Variants in SLC8A2 observed in about 807,000 individuals in gnomAD.
SLC8A2 encodes the protein solute carrier family 8 member A2, also known as sodium/calcium exchanger 2.
In SLC8A2, 14 loss-of-function variants were observed where a neutral mutation model predicts 70.2. That is an observed-to-expected ratio of 0.20 (90% CI 0.13 to 0.31). SLC8A2 has a LOEUF of 0.31. Ranked by LOEUF, SLC8A2 falls within the 10% of genes least tolerant of loss-of-function variation. The pLI, the probability that SLC8A2 is intolerant of heterozygous loss-of-function variation, is 1.00. For missense variants in SLC8A2, 779 were observed against 1,320.1 expected (o/e 0.59, Z 6.35); for synonymous variants, 575 against 594.3 (o/e 0.97, Z 0.47).
chr19:47,445,844 G>A (rs988099373), intron 4 of SLC8A2, among the ~76,000 whole-genome samples: 1 of 152,204 alleles, frequency 6.6e-6, no homozygotes, highest in African/African-American at 2.4e-5. Flanking sequence ...CCATCTCTTG[G>A]TGTGAGAGAG....
chr19:47,463,145 T>G (rs143973154), intron 2 of SLC8A2, among the ~76,000 whole-genome samples: 2 of 152,088 alleles, frequency 1.3e-5, no homozygotes, highest in Admixed American at 1.3e-4. Context: ...TTTCTTTTTT[T>G]TTTTTGAGAC....
intron 1 of SLC8A2, among the ~76,000 whole-genome samples, chr19:47,467,565 G>C (rs1967479382): frequency 6.6e-6 from 1 of 152,116 alleles, no homozygotes; most frequent in Non-Finnish European, 1.5e-5. Flanking sequence ...CTTAGGGGCT[G>C]TGACATCTAA....
At chr19:47,452,429 AGAGAGAGAGAGAGAGAGT>A (rs1455497512) in intron 3 of SLC8A2, among the ~76,000 whole-genome samples, 439 of 111,224 alleles carry the variant, frequency 3.9e-3, no homozygotes, top group South Asian at 5.9e-3. Flanking sequence ...AGAGAGAGAG[AGAGAGAGAGAGAGAGAGT>A]GTGTGTGTGT....
intron 2 of SLC8A2, among the ~76,000 whole-genome samples, chr19:47,462,328 A>G (rs1001576468): frequency 1.3e-5 from 2 of 151,966 alleles, no homozygotes; most frequent in African/African-American, 4.8e-5. Context: ...GCAGTGGTGC[A>G]ATCTCGGCTT....
intron 6 of SLC8A2, 69 bp downstream of exon 6, chr19:47,441,100 T>G: frequency 6.8e-7 from 1 of 1,476,460 alleles, no homozygotes; most frequent in African/African-American, 1.4e-5. Flanking sequence ...GCTTTGGGGC[T>G]GGGACCCTCC....
At chr19:47,450,789 T>C (rs1967224866) in intron 3 of SLC8A2, among the ~76,000 whole-genome samples, 1 of 152,020 alleles carries the variant, frequency 6.6e-6, no homozygotes, top group Admixed American at 6.6e-5. Flanking sequence ...CTCTGAGCCT[T>C]GGTTTCCTTA....
rs1966915793 is a variant in SLC8A2 at position 47,429,169 on chromosome 19, GC to G, written c.*919del. The G allele has an allele frequency of 1.3e-5, 2 of 152,536 alleles. No homozygotes were observed. The highest frequency in any genetic ancestry group is 2.9e-5 in the Non-Finnish European group (2 of 68,068). 9.4% of individuals were successfully genotyped at this position (152,536 alleles called of 1,614,324 possible). On this transcript the variant is annotated 3_prime_UTR_variant, in exon 10 of 10. Coordinates refer to ENST00000236877, the MANE Select transcript of SLC8A2 (RefSeq NM_015063.3). ...TTGTCAGGGGAGATCAACTGGACTCGCTTTGATTCCCGGCCTCCTCCCCAAA... is the reference window on the plus strand; with the variant it reads ...TTGTCAGGGGAGATCAACTGGACTCGTTTGATTCCCGGCCTCCTCCCCAAA...
Position 47,430,275 on chromosome 19 carries a change from C to A in SLC8A2, c.2580G>T (p.Thr860=), listed in dbSNP as rs1356010889. ...VRTGTLAFSV[T]LFTVFAFVGI... ...CCACGAAGGCGAAGACGGTGAAGAG[C>A]GTGACGGAGAAGGCCAGCGTGCCAG... Residue 860 remains threonine, a synonymous_variant, in exon 10 of 10, where the codon ACG becomes ACT. Coordinates refer to ENST00000236877, the MANE Select transcript of SLC8A2 (RefSeq NM_015063.3). The surrounding 1 kb of genome is among the most constrained non-coding windows in gnomAD (Gnocchi z 5.9). 1 of 1,612,484 alleles carries A rather than the reference C, an allele frequency of 6.2e-7. No homozygotes were observed. The highest frequency in any genetic ancestry group is 1.1e-5 in the South Asian group (1 of 90,966).
chr19:47,437,735 G>T (rs1032034122), intron 7 of SLC8A2, 114 bp downstream of exon 7: 1 of 1,331,396 alleles, frequency 7.5e-7, no homozygotes, highest in Non-Finnish European at 1.1e-6. Flanking sequence ...TGGTCCTGAC[G>T]TGGGACCCTT....
chr19:47,432,054 A>C lies in SLC8A2; in HGVS notation c.2389+113T>G. ...TGCCCCACCTCCGTATTTCTCTGAG[A>C]CCCACCACATGGGCGCTGTGTGACT... On this transcript the variant is annotated intron_variant, in intron 9 of 9. Coordinates refer to ENST00000236877, the MANE Select transcript of SLC8A2 (RefSeq NM_015063.3). The surrounding 1 kb of genome is among the most constrained non-coding windows in gnomAD (Gnocchi z 6.2). The C allele has an allele frequency of 9.9e-7, 1 of 1,010,564 alleles. No homozygotes were observed. Among genetic ancestry groups the C allele is most frequent in the Non-Finnish European group, 1.4e-6 (1 of 700,480 alleles). 62.6% of individuals were successfully genotyped at this position (1,010,564 alleles called of 1,614,324 possible). A position where few individuals can be genotyped will look rare whatever the true frequency, so the allele number is the denominator to read the frequency against.
At chr19:47,452,380 T>TAC (rs1491215350) in intron 3 of SLC8A2, among the ~76,000 whole-genome samples, 8 of 137,848 alleles carry the variant, frequency 5.8e-5, no homozygotes, top group African/African-American at 8.3e-5. Context: ...ATGCCCAGCT[T>TAC]ATATATATAT....
In SLC8A2 at chr19:47,430,522, G is replaced by T; in HGVS notation, c.2390-57C>A. ...CTTTGCGCCGCCACCCACAGGGGCGGGCATCCGCCTGCCCCCTCCCAGCCT... is the reference window on the plus strand; with the variant it reads ...CTTTGCGCCGCCACCCACAGGGGCGTGCATCCGCCTGCCCCCTCCCAGCCT... On this transcript the variant is annotated intron_variant, in intron 9 of 9. Transcript: ENST00000236877. The surrounding 1 kb of genome is among the most constrained non-coding windows in gnomAD (Gnocchi z 5.9). The T allele has an allele frequency of 6.7e-7, 1 of 1,492,346 alleles. No homozygotes were observed. Among genetic ancestry groups the T allele is most frequent in the Non-Finnish European group, 8.9e-7 (1 of 1,123,074 alleles). 92.4% of individuals were successfully genotyped at this position (1,492,346 alleles called of 1,614,324 possible).
At chr19:47,471,136 A>AGG (rs1183976674) in intron 1 of SLC8A2, among the ~76,000 whole-genome samples, 1 of 145,286 alleles carries the variant, frequency 6.9e-6, no homozygotes, top group African/African-American at 2.5e-5. Flanking sequence ...GGAGGGAGGG[A>AGG]GAGAGAGAGA....
chr19:47,461,525 C>G (rs1967395180), intron 2 of SLC8A2, among the ~76,000 whole-genome samples: 3 of 151,926 alleles, frequency 2.0e-5, no homozygotes, highest in African/African-American at 7.3e-5. Flanking sequence ...AAGAAGGCCC[C>G]CAGAGTATCT....
chr19:47,442,326 C>T (rs552607647), intron 4 of SLC8A2, among the ~76,000 whole-genome samples: 12 of 152,296 alleles, frequency 7.9e-5, no homozygotes, highest in South Asian at 2.1e-4. Context: ...CCTGATAGAA[C>T]CAAAGTCAGA....
rs1966926082 is a variant in SLC8A2 at position 47,429,767 on chromosome 19, G to A, written c.*322C>T. 2.4e-6 allele frequency: 1 copy of A among 424,378 alleles called. No individual in the cohort carries two copies. The highest frequency in any genetic ancestry group is 4.2e-5 in the Admixed American group (1 of 23,882). 26.3% of individuals were successfully genotyped at this position (424,378 alleles called of 1,614,324 possible). On this transcript the variant is annotated 3_prime_UTR_variant, in exon 10 of 10. Coordinates refer to ENST00000236877, the MANE Select transcript of SLC8A2 (RefSeq NM_015063.3). ...AGGAGAGAGACCTTAAACTCCCCAGGATGGTTACTGGGGGTGGTTCCCTGG... is the reference window on the plus strand; with the variant it reads ...AGGAGAGAGACCTTAAACTCCCCAGAATGGTTACTGGGGGTGGTTCCCTGG...
Position 47,447,824 on chromosome 19 carries a change from C to A in SLC8A2, c.1748G>T (p.Gly583Val). The A allele has an allele frequency of 1.3e-6, 2 of 1,591,646 alleles. No individual in the cohort carries two copies. The highest frequency in any genetic ancestry group is 1.7e-6 in the Non-Finnish European group (2 of 1,175,922). Residue 583 changes from glycine (G) to valine (V), a missense_variant, in exon 4 of 10, where the codon GGC becomes GTC. Gly to Val is a moderately radical substitution (Grantham distance 109). Around this residue, in one of 6 missense-constraint regions of SLC8A2, gnomAD observed 247 missense variants for 362.8 expected, o/e 0.68. Transcript: ENST00000236877. This position sits in a 1 kb window ranked among gnomAD's most constrained non-coding sequence, Gnocchi z 5.1. ...GCGTGCTCACATGGTCTCGTCGTCG[C>A]CAAACTCCAGCTCTCCGCACGCGTC... is the stretch of plus-strand genomic sequence containing the variant. ...YEDACGELEF[G>V]DDETMKTLQV...
chr19:47,449,656 A>G lies in SLC8A2; in HGVS notation c.1341-1425T>C, dbSNP rs143426608. ...GTATTTTTGGTAAAGGGAACAGGCA[A>G]TGTGAATGCTCTGACCTGGGACTGG... On this transcript the variant is annotated intron_variant, in intron 3 of 9. Coordinates refer to ENST00000236877, the MANE Select transcript of SLC8A2 (RefSeq NM_015063.3). 2.0e-3 allele frequency among the ~76,000 whole-genome samples: 302 copies of G among 152,292 alleles called. 1 individual carries two copies. Among genetic ancestry groups the G allele is most frequent in the Middle Eastern group, 6.8e-3 (2 of 294 alleles).
At chr19:47,460,002 T>C (rs1053988940) in intron 2 of SLC8A2, among the ~76,000 whole-genome samples, 7 of 152,146 alleles carry the variant, frequency 4.6e-5, no homozygotes, top group Non-Finnish European at 1.0e-4. Flanking sequence ...GGCCTCTCTC[T>C]CCCTCCATCT....
Sources: allele counts gnomAD v4.1 joint callset (sites outside exome capture counted in the v4.1 genomes callset), GRCh38; gene constraint gnomAD v4.1.1; regional missense constraint gnomAD v4.1.1; non-coding constraint Gnocchi (gnomAD v3.1); transcripts MANE v1.5; gene names NCBI Gene and HGNC (gene_info 2026-07-23, HGNC 2026-07-21).